The following CARMIL1 variants were observed in gnomAD, a reference collection of about 807,000 sequenced individuals.
CARMIL1 encodes the protein F-actin-uncapping protein LRRC16A.
In CARMIL1, 90 loss-of-function variants were observed where a neutral mutation model predicts 177.1. The ratio of observed to expected loss-of-function variants is 0.51; its 90% CI spans 0.43 to 0.61. The LOEUF is 0.61. Ranked by LOEUF, CARMIL1 falls within the 20% of genes least tolerant of loss-of-function variation. The pLI is 0.00. For missense variants in CARMIL1, 1,380 were observed against 1,667.0 expected, an observed-to-expected ratio of 0.83 and a Z score of 3.00; for synonymous variants, 577 against 606.2, an observed-to-expected ratio of 0.95 and a Z score of 0.71.
intron 2 of CARMIL1, among the ~76,000 whole-genome samples, chr6:25,295,247 CAT>C (rs1581473147): frequency 1.3e-5 from 2 of 152,054 alleles, no homozygotes; most frequent in African/African-American, 4.8e-5. Flanking sequence ...AAAATGGAAT[CAT>C]GAATACTATT....
chr6:25,296,124 A>C (rs909486318), intron 2 of CARMIL1, among the ~76,000 whole-genome samples: 1 of 152,268 alleles, frequency 6.6e-6, no homozygotes, highest in Non-Finnish European at 1.5e-5. Context: ...TTCTGAAGGC[A>C]GTTGATTTTA....
chr6:25,459,266 C>CTTTTTTT (rs769702901), intron 8 of CARMIL1, among the ~76,000 whole-genome samples: 21 of 73,762 alleles, frequency 2.8e-4, no homozygotes, highest in Non-Finnish European at 5.3e-4. Flanking sequence ...TTCTTTCTTT[C>CTTTTTTT]TTTTTTTTTT....
At chr6:25,473,592 A>G (rs1173535922) in intron 11 of CARMIL1, among the ~76,000 whole-genome samples, 1 of 152,178 alleles carries the variant, frequency 6.6e-6, no homozygotes, top group Non-Finnish European at 1.5e-5. Context: ...GCTGAGGAGA[A>G]GGAGGAAGAA....
rs544772716 is a variant in CARMIL1, at chr6:25,338,370, A to G, written c.138+53461A>G. Among the ~76,000 whole-genome samples, 7 of 152,318 alleles carry G rather than the reference A, an allele frequency of 4.6e-5. No individual in the cohort carries two copies. In the East Asian group the frequency reaches 1.2e-3, roughly 25 times the overall value. ...GGCGTACAATGCTCCACTTGCTATG[A>G]GAGTGTGCTGCTAAGCTCTGTCTCC... is the stretch of plus-strand genomic sequence containing the variant. On this transcript the variant is annotated intron_variant, in intron 2 of 36. Coordinates refer to ENST00000329474, the MANE Select transcript of CARMIL1 (RefSeq NM_017640.6).
intron 2 of CARMIL1, among the ~76,000 whole-genome samples, chr6:25,366,041 C>G (rs1039525864): frequency 6.6e-6 from 1 of 152,096 alleles, no homozygotes; most frequent in Non-Finnish European, 1.5e-5. Flanking sequence ...CTCTGTTGCT[C>G]AGGCTGGAGT....
chr6:25,553,145 T>G (rs1305473094), intron 27 of CARMIL1, among the ~76,000 whole-genome samples: 7 of 152,338 alleles, frequency 4.6e-5, no homozygotes, highest in Middle Eastern at 3.4e-3. Context: ...ATTTTTTCCA[T>G]GTTACATGAA....
chr6:25,349,797 C>T (rs969247316), intron 2 of CARMIL1, among the ~76,000 whole-genome samples: 5 of 140,348 alleles, frequency 3.6e-5, no homozygotes, highest in Admixed American at 3.1e-4. Context: ...GGTACAATTT[C>T]GGCTCACTGC....
chr6:25,579,893 C>T (rs1365433048), intron 29 of CARMIL1, among the ~76,000 whole-genome samples: 1 of 152,132 alleles, frequency 6.6e-6, no homozygotes, highest in African/African-American at 2.4e-5. Context: ...GTTTTTCAAT[C>T]ATGTAGATTG....
intron 5 of CARMIL1, among the ~76,000 whole-genome samples, chr6:25,436,148 A>G (rs1189848575): frequency 6.6e-6 from 1 of 152,084 alleles, no homozygotes; most frequent in Non-Finnish European, 1.5e-5. Flanking sequence ...TTTTTTGTTA[A>G]GCTTTTAAAG....
At chr6:25,500,095 A>G in intron 16 of CARMIL1, 71 bp from the exon 17 acceptor site, 1 of 1,324,098 alleles carries the variant, frequency 7.6e-7, no homozygotes, top group Non-Finnish European at 1.1e-6. Context: ...GGCTTTATTC[A>G]GTGTGCTTGC....
chr6:25,467,525 A>G (rs1278144348), intron 9 of CARMIL1, among the ~76,000 whole-genome samples: 2 of 152,206 alleles, frequency 1.3e-5, no homozygotes, highest in Non-Finnish European at 2.9e-5. Flanking sequence ...AGAGTGTCCC[A>G]ACCTGCAATT....
chr6:25,506,906 C>G (rs1450719554), intron 17 of CARMIL1, among the ~76,000 whole-genome samples: 1 of 152,078 alleles, frequency 6.6e-6, no homozygotes, highest in Non-Finnish European at 1.5e-5. Context: ...TCCTTATCCC[C>G]ATTATGGATA....
chr6:25,381,796 G>A (rs149876022), intron 2 of CARMIL1, among the ~76,000 whole-genome samples: 7 of 152,122 alleles, frequency 4.6e-5, no homozygotes, highest in African/African-American at 1.7e-4. Flanking sequence ...CCATTACATA[G>A]TCATGGTTGA....
rs149926351 is a variant in CARMIL1, at chr6:25,376,143, C to T, written c.139-43971C>T. Reference sequence around the variant, plus strand: ...TCACCCAGGCTGGAGTGCAATGGCACGATCTTGGCTCACTGCAACCTCTGC... The same window carrying T: ...TCACCCAGGCTGGAGTGCAATGGCATGATCTTGGCTCACTGCAACCTCTGC... On this transcript the variant is annotated intron_variant, in intron 2 of 36. Transcript: ENST00000329474. 3.9e-3 allele frequency among the ~76,000 whole-genome samples: 592 copies of T among 152,260 alleles called. 3 individuals are homozygous for T. Among genetic ancestry groups the T allele is most frequent in the Middle Eastern group, 0.027 (8 of 294 alleles).
At chr6:25,378,900 A>AC (rs1235688053) in intron 2 of CARMIL1, among the ~76,000 whole-genome samples, 1 of 151,648 alleles carries the variant, frequency 6.6e-6, no homozygotes, top group Non-Finnish European at 1.5e-5. Flanking sequence ...AAAAAAAAAA[A>AC]AACAGGTGTT....
chr6:25,448,101 TG>T (rs1798419002), intron 5 of CARMIL1, among the ~76,000 whole-genome samples: 1 of 152,102 alleles, frequency 6.6e-6, no homozygotes, highest in African/African-American at 2.4e-5. Context: ...TTAACAGTCC[TG>T]GAAAGTTCTT....
In CARMIL1 at chr6:25,515,222, C is replaced by A. The variant is rs301382; in HGVS notation, c.1633-453C>A. Among the ~76,000 whole-genome samples, 66,418 of 151,910 alleles carry A rather than the reference C, an allele frequency of 0.44. 14,918 individuals are homozygous for A. The highest frequency in any genetic ancestry group is 0.52 in the Middle Eastern group (152 of 294). ...ATGGTGGTTAAACATAGTAATTGTT[C>A]AATAATTGTCAGCTATTATTAATCC... is the stretch of plus-strand genomic sequence containing the variant. On this transcript the variant is annotated intron_variant, in intron 20 of 36. Transcript: ENST00000329474. This position sits in a 1 kb window ranked among gnomAD's most constrained non-coding sequence, Gnocchi z 5.0.
intron 1 of CARMIL1, among the ~76,000 whole-genome samples, chr6:25,283,347 G>T (rs1224693574): frequency 6.6e-6 from 1 of 152,160 alleles, no homozygotes; most frequent in Non-Finnish European, 1.5e-5. Flanking sequence ...AGAGGCCATG[G>T]ACTTAGTCTT....
chr6:25,323,668 A>G (rs145938360), intron 2 of CARMIL1, among the ~76,000 whole-genome samples: 1,561 of 152,258 alleles, frequency 0.01, 11 homozygotes, highest in Non-Finnish European at 0.014. Flanking sequence ...TCATAGATGT[A>G]TGGTTTCTAT....
Sources: allele counts gnomAD v4.1 joint callset (sites outside exome capture counted in the v4.1 genomes callset), GRCh38; gene constraint gnomAD v4.1.1; non-coding constraint Gnocchi (gnomAD v3.1); transcripts MANE v1.5; gene names NCBI Gene and HGNC (gene_info 2026-07-23, HGNC 2026-07-21).